FAM193A: variants seen among roughly 807,000 people sequenced by gnomAD.
The protein encoded by FAM193A is family with sequence similarity 193 member A.
In FAM193A, 22 loss-of-function variants were observed where a neutral mutation model predicts 126.5. The ratio of observed to expected loss-of-function variants is 0.17; its 90% CI spans 0.12 to 0.25. FAM193A has a LOEUF of 0.25. Ranked by LOEUF, FAM193A falls within the 10% of genes least tolerant of loss-of-function variation. The pLI, the probability that FAM193A is intolerant of heterozygous loss-of-function variation, is 1.00. For missense variants in FAM193A, 1,675 were observed against 1,672.8 expected (o/e 1.00, Z -0.02); for synonymous variants, 761 against 646.8 (o/e 1.18, Z -2.68).
At chr4:2,654,590 G>A (rs1394462532) in intron 7 of FAM193A, 3 of 151,544 alleles carry the variant, frequency 2.0e-5, no homozygotes, top group African/African-American at 7.3e-5. Context: ...AGTCAAGGAA[G>A]AGGTTTTTAT....
In FAM193A at chr4:2,563,746, C is replaced by T. The variant is rs192151574; in HGVS notation, c.255+26576C>T. Reference sequence around the variant, plus strand: ...TCAACCCTCAAAGATTATTTGAAATCTGGATTTACATCCACTTTTATTAAT... The same window carrying T: ...TCAACCCTCAAAGATTATTTGAAATTTGGATTTACATCCACTTTTATTAAT... On this transcript the variant is annotated intron_variant, in intron 1 of 20. Coordinates refer to ENST00000637812, the MANE Select transcript of FAM193A (RefSeq NM_001366318.2). Among the ~76,000 whole-genome samples the T allele has an allele frequency of 1.7e-3, 256 of 152,300 alleles. 1 individual carries two copies. Among genetic ancestry groups the T allele is most frequent in the Non-Finnish European group, 3.2e-3 (219 of 68,020 alleles).
intron 1 of FAM193A, among the ~76,000 whole-genome samples, chr4:2,586,643 C>G (rs1266227261): frequency 6.6e-6 from 1 of 152,116 alleles, no homozygotes; most frequent in Non-Finnish European, 1.5e-5. Context: ...ACCACACTCT[C>G]TGAATTATTA....
intron 2 of FAM193A, among the ~76,000 whole-genome samples, chr4:2,601,227 CT>C (rs1201989388): frequency 0.092 from 10,169 of 110,498 alleles, 366 homozygotes; most frequent in Middle Eastern, 0.11. Flanking sequence ...TCTTCTTCTT[CT>C]TTTTTTTTTT....
At chr4:2,577,104 A>C (rs1739630209) in intron 1 of FAM193A, among the ~76,000 whole-genome samples, 1 of 152,138 alleles carries the variant, frequency 6.6e-6, no homozygotes, top group South Asian at 2.1e-4. Context: ...CTTTTTTGAG[A>C]GTATTATGGG....
At chr4:2,596,438 C>T in intron 2 of FAM193A, 109 bp downstream of exon 2, 3 of 633,904 alleles carry the variant, frequency 4.7e-6, no homozygotes, top group Non-Finnish European at 2.9e-6. Context: ...GGGGGCACTC[C>T]CTCCTGCACC....
intron 13 of FAM193A, among the ~76,000 whole-genome samples, chr4:2,688,852 G>C (rs1716044685): frequency 6.6e-6 from 1 of 152,260 alleles, no homozygotes; most frequent in African/African-American, 2.4e-5. Flanking sequence ...GCCCCAGCCT[G>C]TGCAGGAGCA....
chr4:2,701,562 C>T (rs577326595), intron 19 of FAM193A, among the ~76,000 whole-genome samples: 416 of 152,182 alleles, frequency 2.7e-3, no homozygotes, highest in African/African-American at 7.7e-3. Flanking sequence ...AAGTGGGTGA[C>T]GGTGTCTGTC....
chr4:2,631,022 C>T lies in FAM193A; in HGVS notation c.891C>T (p.Leu297=), dbSNP rs1275372717. The T allele has an allele frequency of 6.2e-7, 1 of 1,613,652 alleles. No homozygotes were observed. Among genetic ancestry groups the T allele is most frequent in the East Asian group, 2.2e-5 (1 of 44,880 alleles). ...EYVLEMKVRL[L]RQLSAAAKVK... ...TGCTGGAGATGAAGGTCCGCCTGCT[C>T]CGGCAGCTGTCGGCTGCGGCCAAGG... is the stretch of plus-strand genomic sequence containing the variant. The change falls in exon 5 of 21, where the codon CTC becomes CTT. Residue 297 remains leucine, a synonymous_variant. Coordinates refer to ENST00000637812, the MANE Select transcript of FAM193A (RefSeq NM_001366318.2).
At chr4:2,675,106 G>T (rs1188871650) in intron 13 of FAM193A, among the ~76,000 whole-genome samples, 1 of 152,136 alleles carries the variant, frequency 6.6e-6, no homozygotes, top group East Asian at 1.9e-4. Context: ...CTAAAAGCAT[G>T]CAGTGTATAA....
At chr4:2,690,141 C>T (rs553732348) in intron 14 of FAM193A, among the ~76,000 whole-genome samples, 10 of 152,332 alleles carry the variant, frequency 6.6e-5, no homozygotes, top group African/African-American at 1.2e-4. Context: ...ATTGGCGCCA[C>T]GTGGCATCTC....
intron 20 of FAM193A, among the ~76,000 whole-genome samples, chr4:2,716,629 G>A (rs1316339830): frequency 1.3e-5 from 2 of 152,142 alleles, no homozygotes; most frequent in African/African-American, 2.4e-5. Flanking sequence ...ATCAGTGCTT[G>A]TTCTATAATG....
At position 2,680,802 on chromosome 4, in the gene FAM193A, C is replaced by T. The variant is rs182476463; in HGVS notation, c.2331+8430C>T. Among the ~76,000 whole-genome samples the T allele has an allele frequency of 2.4e-3, 367 of 151,978 alleles. 3 individuals carry two copies. The Middle Eastern group carries it at 0.037, about 15-fold the overall frequency. ...GATTACAGGCGCCCACCACCATGCC[C>T]GGCTAATTTTTGTATTTTTGGTAGA... is the stretch of plus-strand genomic sequence containing the variant. On this transcript the variant is annotated intron_variant, in intron 13 of 20. Transcript: ENST00000637812.
chr4:2,605,274 A>C (rs1057122531), intron 2 of FAM193A, among the ~76,000 whole-genome samples: 1 of 152,102 alleles, frequency 6.6e-6, no homozygotes, highest in African/African-American at 2.4e-5. Context: ...GCAAGTTCAC[A>C]CTTGCCGGCT....
chr4:2,548,109 G>C (rs1231384335), intron 1 of FAM193A, among the ~76,000 whole-genome samples: 1 of 107,488 alleles, frequency 9.3e-6, no homozygotes, highest in Non-Finnish European at 1.9e-5. Flanking sequence ...TCTTGCTCTT[G>C]TCCCCAGGCT....
rs1257848119 is a variant in FAM193A at position 2,657,814 on chromosome 4, A to G, written c.1323A>G (p.Lys441=). ...CATCCCCTTACTAGATGACAATGAAAACCAAGCAGCGCATGTTAACAGAAG... is the reference window on the plus strand; with the variant it reads ...CATCCCCTTACTAGATGACAATGAAGACCAAGCAGCGCATGTTAACAGAAG... The part of the protein sequence containing the change: ...DAYVDEQMTM[K]TKQRMLTEDW... Residue 441 remains lysine (K), a synonymous_variant, in exon 8 of 21, where the codon AAA becomes AAG. Transcript: ENST00000637812. 6.2e-7 allele frequency: 1 copy of G among 1,610,454 alleles called. No individual in the cohort carries two copies. The highest frequency in any genetic ancestry group is 8.5e-7 in the Non-Finnish European group (1 of 1,178,818).
chr4:2,603,486 T>C (rs546930239), intron 2 of FAM193A, among the ~76,000 whole-genome samples: 2 of 143,944 alleles, frequency 1.4e-5, no homozygotes, highest in Non-Finnish European at 3.0e-5. Context: ...AGACGGAGTC[T>C]TGCTCAGTCA....
At chr4:2,630,255 A>AT (rs5855748) in intron 4 of FAM193A, among the ~76,000 whole-genome samples, 4,329 of 148,290 alleles carry the variant, frequency 0.029, 218 homozygotes, top group African/African-American at 0.1. Context: ...TGTTGCATGT[A>AT]TTTTTTTTTT....
intron 12 of FAM193A, among the ~76,000 whole-genome samples, chr4:2,663,592 G>T (rs1183788637): frequency 6.6e-6 from 1 of 152,138 alleles, no homozygotes; most frequent in Non-Finnish European, 1.5e-5. Flanking sequence ...TGTTTTTCCT[G>T]TTCATTATCT....
chr4:2,696,946 G>C (rs951379824), intron 18 of FAM193A, among the ~76,000 whole-genome samples: 1 of 152,156 alleles, frequency 6.6e-6, no homozygotes, highest in African/African-American at 2.4e-5. Flanking sequence ...AAAGGCCCAG[G>C]TGGGCTTTTG....
Sources: gnomAD v4.1 joint callset for allele counts (sites outside exome capture counted in the v4.1 genomes callset) on GRCh38, gnomAD v4.1.1 for gene constraint, MANE v1.5 for transcripts, NCBI Gene and HGNC (gene_info 2026-07-23, HGNC 2026-07-21) for gene names.